MTUS2: variants seen among roughly 807,000 people sequenced by gnomAD.
MTUS2 encodes the protein microtubule associated scaffold protein 2.
A neutral mutation model predicts 114.1 loss-of-function variants in MTUS2; 40 were observed. The ratio of observed to expected loss-of-function variants is 0.35; its 90% CI spans 0.27 to 0.46. MTUS2 has a LOEUF of 0.46. MTUS2 is among the 20% of genes least tolerant of loss of function. The pLI, the probability that MTUS2 is intolerant of heterozygous loss-of-function variation, is 1.00. For missense variants in MTUS2, 1,679 were observed against 1,705.4 expected, an observed-to-expected ratio of 0.98 and a Z score of 0.27; for synonymous variants, 688 against 672.0, an observed-to-expected ratio of 1.02 and a Z score of -0.37.
chr13:28,862,827 A>G, intron 2 of MTUS2, among the ~76,000 whole-genome samples: 1 of 152,240 alleles, frequency 6.6e-6, no homozygotes, highest in East Asian at 1.9e-4. Context: ...AAAATTTTAT[A>G]TACAAAATGA....
intron 4 of MTUS2, among the ~76,000 whole-genome samples, chr13:29,056,846 C>G (rs922670981): frequency 1.3e-5 from 2 of 152,016 alleles, no homozygotes; most frequent in Non-Finnish European, 2.9e-5. Flanking sequence ...TTCTTGTCTT[C>G]TGCTAGCTTT....
intron 4 of MTUS2, among the ~76,000 whole-genome samples, chr13:29,035,611 T>C (rs775702993): frequency 6.6e-6 from 1 of 152,194 alleles, no homozygotes; most frequent in Non-Finnish European, 1.5e-5. Context: ...CTGAAACCTT[T>C]CCATTTTTCT....
intron 1 of MTUS2, among the ~76,000 whole-genome samples, chr13:28,822,028 A>G (rs1245792288): frequency 2.0e-5 from 3 of 152,226 alleles, no homozygotes; most frequent in Non-Finnish European, 4.4e-5. Context: ...TAGTGGCAGG[A>G]TATTCATTTA....
chr13:29,307,146 C>T, intron 6 of MTUS2: 1 of 484,174 alleles, frequency 2.1e-6, no homozygotes, highest in Non-Finnish European at 3.9e-6. Context: ...TCCTTTCTGC[C>T]CCCTCTGCCA....
chr13:29,349,439 TAAG>T (rs1229987815), intron 7 of MTUS2, among the ~76,000 whole-genome samples: 4 of 152,188 alleles, frequency 2.6e-5, no homozygotes, highest in Admixed American at 6.5e-5. Flanking sequence ...GAAATTTAAA[TAAG>T]AAGAAGTCTG....
intron 5 of MTUS2, among the ~76,000 whole-genome samples, chr13:29,189,821 A>G (rs1311664475): frequency 6.6e-6 from 1 of 152,116 alleles, no homozygotes; most frequent in Non-Finnish European, 1.5e-5. Context: ...ATTGTTATGG[A>G]TGAATATGTG....
chr13:28,973,391 C>T (rs1011592626), intron 2 of MTUS2, among the ~76,000 whole-genome samples: 41 of 152,226 alleles, frequency 2.7e-4, no homozygotes, highest in African/African-American at 9.4e-4. Flanking sequence ...TTTATATATG[C>T]AGGTGCACTG....
chr13:29,241,206 C>T (rs944061184), intron 5 of MTUS2, among the ~76,000 whole-genome samples: 1 of 152,156 alleles, frequency 6.6e-6, no homozygotes, highest in Non-Finnish European at 1.5e-5. Context: ...GCCTAGTTTT[C>T]TGTACAGCCT....
rs149089209 is a variant in MTUS2, at chr13:28,975,169, A to G, written c.-242-49288A>G. ...ATTGGATCCATGGCAGCAGAATGCT[A>G]TTGAAAATGTTAGTGTGGAGTGGGT... is the stretch of plus-strand genomic sequence containing the variant. On this transcript the variant is annotated intron_variant, in intron 2 of 15. Coordinates refer to ENST00000612955, the MANE Select transcript of MTUS2 (RefSeq NM_001033602.4). Among the ~76,000 whole-genome samples the G allele has an allele frequency of 2.1e-3, 323 of 152,340 alleles. 2 individuals carry two copies. The highest frequency in any genetic ancestry group is 7.6e-3 in the African/African-American group (314 of 41,566).
intron 2 of MTUS2, among the ~76,000 whole-genome samples, chr13:29,023,967 G>GT (rs764338101): frequency 7.1e-4 from 108 of 152,248 alleles, no homozygotes; most frequent in Non-Finnish European, 7.2e-4. Context: ...TTTTCGTTTT[G>GT]TAAGAAATGA....
chr13:29,062,038 G>A (rs139125266), intron 4 of MTUS2, among the ~76,000 whole-genome samples: 2,458 of 152,294 alleles, frequency 0.016, 57 homozygotes, highest in African/African-American at 0.056. Context: ...AGACTTGAGT[G>A]CAATGATACG....
chr13:28,909,678 G>A (rs1265610508), intron 2 of MTUS2, among the ~76,000 whole-genome samples: 1 of 152,118 alleles, frequency 6.6e-6, no homozygotes, highest in Non-Finnish European at 1.5e-5. Flanking sequence ...GTTCTGGCCA[G>A]GGCAATCAGG....
At chr13:29,441,531 C>G (rs1315678208) in intron 9 of MTUS2, among the ~76,000 whole-genome samples, 1 of 135,306 alleles carries the variant, frequency 7.4e-6, no homozygotes. Flanking sequence ...CTCTGTGTCC[C>G]CATCTGTTTC....
chr13:29,325,915 G>A (rs1236959319), intron 7 of MTUS2, among the ~76,000 whole-genome samples: 4 of 152,096 alleles, frequency 2.6e-5, no homozygotes, highest in East Asian at 1.9e-4. Context: ...TCTGTGTCCC[G>A]GACTTACATT....
At chr13:29,160,352 T>G (rs145488398) in intron 5 of MTUS2, among the ~76,000 whole-genome samples, 60 of 152,370 alleles carry the variant, frequency 3.9e-4, no homozygotes, top group Middle Eastern at 3.4e-3. Flanking sequence ...TAGCTTACTT[T>G]ATTGTGAGAA....
At chr13:29,327,372 A>AC (rs1900567955) in intron 7 of MTUS2, among the ~76,000 whole-genome samples, 1 of 151,976 alleles carries the variant, frequency 6.6e-6, no homozygotes, top group Admixed American at 6.6e-5. Context: ...GTTTCCTGGG[A>AC]CCCCTTTGTC....
Position 29,501,179 on chromosome 13 carries a change from A to G in MTUS2, c.3881A>G (p.Asn1294Ser). ...GACCTCAAAGCAAGGATTGACCAAA[A>G]CACAGTTGTCACCAGGTAGGTGGGC... is the stretch of plus-strand genomic sequence containing the variant. ...NEDLKARIDQ[N>S]TVVTRQLSEE... The change falls in exon 15 of 16, where the codon AAC (asparagine) becomes AGC (serine). Residue 1294 changes from asparagine to serine, a missense_variant. Physicochemically the swap from Asn to Ser is conservative, Grantham distance 46. This residue lies in a region of MTUS2 where 822 missense variants were observed against 899.7 expected (regional missense o/e 0.91). Coordinates refer to ENST00000612955, the MANE Select transcript of MTUS2 (RefSeq NM_001033602.4). 6.2e-7 allele frequency: 1 copy of G among 1,614,062 alleles called. No individual in the cohort carries two copies.
intron 7 of MTUS2, among the ~76,000 whole-genome samples, chr13:29,346,428 T>C (rs1039358399): frequency 3.9e-5 from 6 of 152,024 alleles, no homozygotes; most frequent in Admixed American, 3.9e-4. Flanking sequence ...GGAGTTATGT[T>C]CCCAGGGGGA....
chr13:29,367,610 G>A (rs1870825107), intron 8 of MTUS2, among the ~76,000 whole-genome samples: 1 of 152,122 alleles, frequency 6.6e-6, no homozygotes, highest in South Asian at 2.1e-4. Flanking sequence ...GGGTCAGGGG[G>A]ACCTGGGGTC....
Sources: allele counts gnomAD v4.1 joint callset (sites outside exome capture counted in the v4.1 genomes callset), GRCh38; gene constraint gnomAD v4.1.1; regional missense constraint gnomAD v4.1.1; transcripts MANE v1.5; gene names NCBI Gene and HGNC (gene_info 2026-07-23, HGNC 2026-07-21).